Variants in SCML2 observed in about 807,000 individuals in gnomAD.
The protein encoded by SCML2 is Scm polycomb group protein like 2, also known as sex comb on midleg-like protein 2.
In SCML2, 6 loss-of-function variants were observed where a neutral mutation model predicts 48.4. The ratio of observed to expected loss-of-function variants is 0.12; its 90% CI spans 0.07 to 0.24. The LOEUF is 0.24. SCML2 is among the 10% of genes least tolerant of loss of function. The pLI, the probability that SCML2 is intolerant of heterozygous loss-of-function variation, is 1.00. For synonymous variants in SCML2, 181 were observed against 189.5 expected, an observed-to-expected ratio of 0.95 and a Z score of 0.37; for missense variants, 377 against 528.2, an observed-to-expected ratio of 0.71 and a Z score of 2.81.
At chrX:18,266,763 A>G (rs921782040) in intron 7 of SCML2, among the ~76,000 whole-genome samples, 1 of 111,773 alleles carries the variant, frequency 8.9e-6, no homozygotes, top group Non-Finnish European at 1.9e-5. Context: ...TGTAAATCTG[A>G]CCCGCAATAG....
chrX:18,299,585 C>T (rs1445935098), intron 7 of SCML2, among the ~76,000 whole-genome samples: 1 of 108,678 alleles, frequency 9.2e-6, no homozygotes, highest in Non-Finnish European at 1.9e-5. Flanking sequence ...AAATGGCCAA[C>T]AAGTATATGA....
chrX:18,333,159 C>T (rs976550287), intron 2 of SCML2, among the ~76,000 whole-genome samples: 1 of 109,579 alleles, frequency 9.1e-6, no homozygotes, highest in African/African-American at 3.3e-5. Flanking sequence ...CGTCTGTGGC[C>T]CCAGCCTCTC....
chrX:18,290,792 T>A (rs998788295), intron 7 of SCML2, among the ~76,000 whole-genome samples: 5 of 111,479 alleles, frequency 4.5e-5, no homozygotes, highest in African/African-American at 9.8e-5. Context: ...TAAGAGATTT[T>A]AAAAAAATTT....
intron 7 of SCML2, among the ~76,000 whole-genome samples, chrX:18,297,614 A>G (rs780454500): frequency 8.7e-4 from 98 of 112,103 alleles, no homozygotes; most frequent in Non-Finnish European, 1.6e-3. Flanking sequence ...ATCAACACAC[A>G]AAAATCAGTA....
At position 18,261,724 on chromosome X, in the gene SCML2, T is replaced by C. The variant is rs182497971; in HGVS notation, c.949-1433A>G. On this transcript the variant is annotated intron_variant, in intron 8 of 14. Transcript: ENST00000251900. ...AGGAGTCAAAGGAAACTATTTGGTG[T>C]TATCTTACATTTTCACCATTATACC... 5.2e-4 allele frequency among the ~76,000 whole-genome samples: 57 copies of C among 110,151 alleles called. 3 individuals carry two copies. Among genetic ancestry groups the C allele is most frequent in the Admixed American group, 4.9e-3 (52 of 10,511 alleles).
intron 7 of SCML2, among the ~76,000 whole-genome samples, chrX:18,271,588 G>GA (rs1927462296): frequency 9.1e-6 from 1 of 109,854 alleles, no homozygotes; most frequent in Admixed American, 9.7e-5. Context: ...TGTTTATAGG[G>GA]AAAAATATTA....
intron 7 of SCML2, among the ~76,000 whole-genome samples, chrX:18,294,006 C>T (rs570523725): frequency 1.8e-5 from 2 of 111,837 alleles, no homozygotes; most frequent in South Asian, 3.8e-4. Context: ...AAGGATCTAC[C>T]TCAGAAAGAA....
chrX:18,249,907 A>G (rs1926584600), intron 11 of SCML2, among the ~76,000 whole-genome samples: 1 of 110,774 alleles, frequency 9.0e-6, no homozygotes, highest in African/African-American at 3.3e-5. Context: ...ATTTAAGGAA[A>G]TATCTACCCA....
intron 7 of SCML2, among the ~76,000 whole-genome samples, chrX:18,304,771 A>G (rs749431626): frequency 1.1e-3 from 119 of 111,498 alleles, no homozygotes; most frequent in Non-Finnish European, 2.1e-3. Flanking sequence ...AACTCAGACT[A>G]TGATGCTGCA....
intron 7 of SCML2, among the ~76,000 whole-genome samples, chrX:18,285,862 A>G (rs1928035196): frequency 1.8e-5 from 2 of 111,517 alleles, no homozygotes; most frequent in Admixed American, 1.9e-4. Context: ...TCTAATTCAT[A>G]TATTTACAAT....
intron 11 of SCML2, among the ~76,000 whole-genome samples, chrX:18,254,901 G>C (rs1442433952): frequency 9.0e-6 from 1 of 111,358 alleles, no homozygotes; most frequent in Non-Finnish European, 1.9e-5. Flanking sequence ...TCCAACCTGG[G>C]TGACAGACTG....
chrX:18,305,277 C>T lies in SCML2; in HGVS notation c.487-62G>A, dbSNP rs188172002. On this transcript the variant is annotated intron_variant, in intron 6 of 14. Transcript: ENST00000251900. ...TAAGATGTATTAAGACTCATGTGCT[C>T]GAAGTGAAAAGTTGCGTATTCTCTC... 2.0e-4 allele frequency: 214 copies of T among 1,078,438 alleles called. No homozygotes were observed. The African/African-American group carries it at 3.5e-3, about 17-fold the overall frequency. The allele number at this position is 1,078,438 out of a possible 1,213,427, so 88.9% of individuals were successfully genotyped here. A position where few individuals can be genotyped will look rare whatever the true frequency, so the allele number is the denominator to read the frequency against.
At chrX:18,256,222 C>T (rs753223705) in intron 11 of SCML2, among the ~76,000 whole-genome samples, 6 of 111,208 alleles carry the variant, frequency 5.4e-5, no homozygotes, top group African/African-American at 2.0e-4. Flanking sequence ...GAGGCCAAGG[C>T]GGGAGGATCA....
At chrX:18,354,020 G>C (rs1432568507) in intron 1 of SCML2, among the ~76,000 whole-genome samples, 1 of 111,797 alleles carries the variant, frequency 8.9e-6, no homozygotes, top group African/African-American at 3.2e-5. Flanking sequence ...TTCCGGTCCC[G>C]CTGCACCGCT....
intron 3 of SCML2, among the ~76,000 whole-genome samples, chrX:18,328,742 C>A (rs1360775236): frequency 1.8e-5 from 2 of 111,754 alleles, no homozygotes; most frequent in African/African-American, 6.5e-5. Flanking sequence ...CATAGCAGGT[C>A]ATCAGCATGT....
intron 7 of SCML2, among the ~76,000 whole-genome samples, chrX:18,272,309 C>T (rs1406259968): frequency 8.9e-6 from 1 of 112,115 alleles, no homozygotes; most frequent in Non-Finnish European, 1.9e-5. Flanking sequence ...TCAGCAACAA[C>T]AAAATACCCT....
At chrX:18,326,815 G>A (rs1391191194) in intron 3 of SCML2, among the ~76,000 whole-genome samples, 1 of 110,905 alleles carries the variant, frequency 9.0e-6, no homozygotes, top group Non-Finnish European at 1.9e-5. Context: ...TTTATAAAAC[G>A]GGAAAAGTAA....
At chrX:18,297,225 C>T (rs1006228128) in intron 7 of SCML2, among the ~76,000 whole-genome samples, 3 of 111,983 alleles carry the variant, frequency 2.7e-5, no homozygotes, top group African/African-American at 9.7e-5. Context: ...ACAGAAGGAA[C>T]ACTACTCAAC....
chrX:18,297,458 A>C (rs1373913287), intron 7 of SCML2, among the ~76,000 whole-genome samples: 1 of 111,674 alleles, frequency 9.0e-6, no homozygotes, highest in Non-Finnish European at 1.9e-5. Context: ...GCTTTGGCTC[A>C]AGTGGTTACT....
Sources: allele counts gnomAD v4.1 joint callset (sites outside exome capture counted in the v4.1 genomes callset), GRCh38; gene constraint gnomAD v4.1.1; transcripts MANE v1.5; gene names NCBI Gene and HGNC (gene_info 2026-07-23, HGNC 2026-07-21).